NHEJ1: variants seen among roughly 807,000 people sequenced by gnomAD.
NHEJ1 encodes non-homologous end-joining factor 1.
A neutral mutation model predicts 39.4 loss-of-function variants in NHEJ1; 22 were observed. The ratio of observed to expected loss-of-function variants is 0.56; its 90% CI spans 0.40 to 0.80. The LOEUF is 0.80. Ranked by LOEUF, NHEJ1 falls within the 30% of genes least tolerant of loss-of-function variation. The probability of loss-of-function intolerance (pLI) is 0.00; values close to 1 mark genes in which losing one functional copy is unlikely to be tolerated. For synonymous variants in NHEJ1, 154 were observed against 135.6 expected (o/e 1.14, Z -0.94); for missense variants, 329 against 357.1 (o/e 0.92, Z 0.63).
intron 5 of NHEJ1, among the ~76,000 whole-genome samples, chr2:219,122,852 T>C (rs1226283625): frequency 6.6e-6 from 1 of 152,160 alleles, no homozygotes; most frequent in East Asian, 1.9e-4. Flanking sequence ...AGGTCTAATA[T>C]TAACCTTGGC....
chr2:219,117,172 G>A (rs1166701885), intron 5 of NHEJ1, among the ~76,000 whole-genome samples: 1 of 152,138 alleles, frequency 6.6e-6, no homozygotes, highest in Non-Finnish European at 1.5e-5. Flanking sequence ...AAAGCTGTCT[G>A]TGCTACTGGC....
chr2:219,127,283 TC>T (rs1175871837), intron 5 of NHEJ1, among the ~76,000 whole-genome samples: 1 of 152,092 alleles, frequency 6.6e-6, no homozygotes, highest in African/African-American at 2.4e-5. Context: ...CCCAGCAGGT[TC>T]CCACTCCCTT....
chr2:219,075,963 C>CA lies in NHEJ1; in HGVS notation c.*417dup, dbSNP rs1229951066. The CA allele has an allele frequency of 3.9e-6, 1 of 255,178 alleles. No homozygotes were observed. The highest frequency in any genetic ancestry group is 7.5e-6 in the Non-Finnish European group (1 of 133,312). The allele number at this position is 255,178 out of a possible 1,614,324, so 15.8% of individuals were successfully genotyped here. A position where few individuals can be genotyped will look rare whatever the true frequency, so the allele number is the denominator to read the frequency against. On this transcript the variant is annotated 3_prime_UTR_variant, in exon 8 of 8. Coordinates refer to ENST00000356853, the MANE Select transcript of NHEJ1 (RefSeq NM_024782.3). ...ATGAGTTCCACAGCATAAGTAATCC[C>CA]AAAAGCAGGGACTGTGAGTGCTTTT...
At chr2:219,091,606 T>C (rs552793426) in intron 5 of NHEJ1, among the ~76,000 whole-genome samples, 33 of 152,298 alleles carry the variant, frequency 2.2e-4, no homozygotes, top group African/African-American at 7.7e-4. Flanking sequence ...CCATTGAGTC[T>C]GACTTCGTCC....
chr2:219,136,193 A>G (rs1171071018), intron 5 of NHEJ1, among the ~76,000 whole-genome samples: 1 of 152,222 alleles, frequency 6.6e-6, no homozygotes, highest in African/African-American at 2.4e-5. Context: ...TCTTAGAATC[A>G]GAAACCCAAA....
chr2:219,148,883 C>A (rs1349099584), intron 3 of NHEJ1, among the ~76,000 whole-genome samples: 1 of 151,686 alleles, frequency 6.6e-6, no homozygotes, highest in South Asian at 2.1e-4. Context: ...TACACACAAC[C>A]CCCCCTTTTT....
chr2:219,147,307 C>T (rs769480425), intron 4 of NHEJ1, among the ~76,000 whole-genome samples: 5 of 152,094 alleles, frequency 3.3e-5, no homozygotes, highest in Non-Finnish European at 7.3e-5. Context: ...TGGTGAAACC[C>T]CGTCTATATT....
chr2:219,108,558 G>A (rs1377136316), intron 5 of NHEJ1, among the ~76,000 whole-genome samples: 2 of 152,144 alleles, frequency 1.3e-5, no homozygotes, highest in African/African-American at 4.8e-5. Flanking sequence ...CAGGAGGCAC[G>A]CTCAGAACTA....
chr2:219,071,877 G>A lies in NHEJ1; in HGVS notation c.*4504C>T, dbSNP rs1380216705. Among the ~76,000 whole-genome samples the A allele has an allele frequency of 6.6e-6, 1 of 152,198 alleles. No homozygotes were observed. The highest frequency in any genetic ancestry group is 1.5e-5 in the Non-Finnish European group (1 of 68,036). ...CTGTTGGGCTCCAAATAGAGAAACT[G>A]AGTGGGGTGGGACTTAATAGCTCAG... On this transcript the variant is annotated 3_prime_UTR_variant, in exon 8 of 8. Coordinates refer to ENST00000356853, the MANE Select transcript of NHEJ1 (RefSeq NM_024782.3).
intron 5 of NHEJ1, among the ~76,000 whole-genome samples, chr2:219,106,492 C>T (rs1052168946): frequency 3.9e-5 from 6 of 152,096 alleles, no homozygotes; most frequent in Admixed American, 6.5e-5. Context: ...AGACAAGGGA[C>T]GGGAGATCAA....
intron 1 of NHEJ1, 79 bp from the exon 2 acceptor site, chr2:219,158,441 T>C: frequency 7.5e-7 from 1 of 1,341,382 alleles, no homozygotes; most frequent in Non-Finnish European, 1.1e-6. Flanking sequence ...CCAGTCTGTA[T>C]CAACTAAAAT....
intron 5 of NHEJ1, among the ~76,000 whole-genome samples, chr2:219,110,430 G>A (rs1324917716): frequency 1.3e-5 from 2 of 151,970 alleles, no homozygotes; most frequent in African/African-American, 2.4e-5. Flanking sequence ...GCTAAGGTGA[G>A]AGGATCGCTT....
chr2:219,101,052 A>T (rs986050614), intron 5 of NHEJ1, among the ~76,000 whole-genome samples: 1 of 152,082 alleles, frequency 6.6e-6, no homozygotes, highest in Non-Finnish European at 1.5e-5. Flanking sequence ...CACATTACAT[A>T]TATTCTTATG....
intron 5 of NHEJ1, among the ~76,000 whole-genome samples, chr2:219,138,667 T>C (rs1949661408): frequency 6.6e-6 from 1 of 152,174 alleles, no homozygotes; most frequent in South Asian, 2.1e-4. Context: ...ACAGTAAGTA[T>C]AATAAAATAA....
chr2:219,139,829 G>C (rs901183165), intron 5 of NHEJ1, among the ~76,000 whole-genome samples: 1 of 152,282 alleles, frequency 6.6e-6, no homozygotes, highest in Admixed American at 6.5e-5. Context: ...ACAGGCGCCT[G>C]CCACCACACC....
At chr2:219,142,634 G>T (rs1438017688) in intron 5 of NHEJ1, among the ~76,000 whole-genome samples, 1 of 152,254 alleles carries the variant, frequency 6.6e-6, no homozygotes, top group Non-Finnish European at 1.5e-5. Flanking sequence ...CCCTCCAGTG[G>T]ACTAGACTGA....
intron 1 of NHEJ1, among the ~76,000 whole-genome samples, chr2:219,159,792 C>CCACA (rs1553549966): frequency 6.6e-6 from 1 of 150,760 alleles, no homozygotes; most frequent in Non-Finnish European, 1.5e-5. Context: ...AATAAAGTCG[C>CCACA]CACTTTCATC....
chr2:219,105,326 C>G (rs1347580575), intron 5 of NHEJ1, among the ~76,000 whole-genome samples: 2 of 152,072 alleles, frequency 1.3e-5, no homozygotes, highest in Non-Finnish European at 2.9e-5. Context: ...ATGTAGGTGG[C>G]ACCAGATTTC....
intron 1 of NHEJ1, among the ~76,000 whole-genome samples, chr2:219,160,076 T>C (rs1411489977): frequency 1.3e-5 from 2 of 152,156 alleles, no homozygotes; most frequent in Non-Finnish European, 2.9e-5. Flanking sequence ...CCTTTTCTTT[T>C]TTCCTTCAAG....
Sources: allele counts gnomAD v4.1 joint callset (sites outside exome capture counted in the v4.1 genomes callset), GRCh38; gene constraint gnomAD v4.1.1; transcripts MANE v1.5; gene names NCBI Gene and HGNC (gene_info 2026-07-23, HGNC 2026-07-21).